Variants in LINGO2 observed in about 807,000 individuals in gnomAD.
LINGO2 encodes leucine rich repeat and Ig domain containing 2.
Under a neutral mutation model 30.6 loss-of-function variants are expected in LINGO2, and 14 were observed. That is an observed-to-expected ratio of 0.46 (90% CI 0.30 to 0.72). The LOEUF (loss-of-function observed/expected upper bound fraction) is 0.72. Among genes scored for constraint, LINGO2 ranks in the 30% least tolerant of loss-of-function variants. The pLI is 0.07. For missense variants in LINGO2, 729 were observed against 751.7 expected (o/e 0.97, Z 0.35); for synonymous variants, 317 against 288.5 (o/e 1.10, Z -1.00).
At chr9:29,031,799 T>C in the LINGO2 span, among the ~76,000 whole-genome samples, 5 of 152,274 alleles carry the variant, frequency 3.3e-5, no homozygotes, top group South Asian at 1.0e-3. Context: ...CACTGTGTCA[T>C]TGTTTATTTG....
intron 3 of LINGO2, among the ~76,000 whole-genome samples, chr9:28,370,154 G>C (rs527946907): frequency 6.6e-6 from 1 of 152,212 alleles, no homozygotes; most frequent in African/African-American, 2.4e-5. Context: ...TAAAAACTGA[G>C]TCTACTTATT....
At chr9:28,669,603 C>A (rs1399095619) in intron 1 of LINGO2, among the ~76,000 whole-genome samples, 1 of 151,932 alleles carries the variant, frequency 6.6e-6, no homozygotes, top group East Asian at 1.9e-4. Flanking sequence ...TAAGTGGTCA[C>A]TAGCAGAGAA....
intron 2 of LINGO2, among the ~76,000 whole-genome samples, chr9:28,449,224 T>C (rs1352585793): frequency 6.6e-6 from 1 of 152,100 alleles, no homozygotes; most frequent in Non-Finnish European, 1.5e-5. Flanking sequence ...CTGTCTCCAC[T>C]GTATTCCAAA....
chr9:28,332,558 G>T (rs1825460134), intron 3 of LINGO2, among the ~76,000 whole-genome samples: 1 of 150,726 alleles, frequency 6.6e-6, no homozygotes, highest in Non-Finnish European at 1.5e-5. Context: ...AGTTGGCCTT[G>T]TTGAAATGGG....
At chr9:28,785,566 C>A in the LINGO2 span, among the ~76,000 whole-genome samples, 1 of 152,188 alleles carries the variant, frequency 6.6e-6, no homozygotes, top group African/African-American at 2.4e-5. Flanking sequence ...GAGTTTACTG[C>A]GATATTTGCA....
chr9:27,990,434 CA>C (rs1210283049), intron 5 of LINGO2, among the ~76,000 whole-genome samples: 1 of 145,762 alleles, frequency 6.9e-6, no homozygotes, highest in African/African-American at 2.5e-5. Context: ...TCAGTATCTG[CA>C]AAAAGCATCA....
chr9:28,230,203 G>A (rs2133932898), intron 4 of LINGO2, among the ~76,000 whole-genome samples: 1 of 151,928 alleles, frequency 6.6e-6, no homozygotes, highest in South Asian at 2.1e-4. Flanking sequence ...AATACTATAT[G>A]TGTGTGCATG....
chr9:28,460,965 A>G (rs1825057256), intron 2 of LINGO2, among the ~76,000 whole-genome samples: 1 of 152,164 alleles, frequency 6.6e-6, no homozygotes, highest in Non-Finnish European at 1.5e-5. Flanking sequence ...AAACCCTACA[A>G]TCTCCGCAGT....
chr9:28,927,958 G>A, the LINGO2 span, among the ~76,000 whole-genome samples: 3,052 of 152,198 alleles, frequency 0.02, 121 homozygotes, highest in African/African-American at 0.069. Context: ...CATGCCCTGC[G>A]GTCATTTCAA....
chr9:28,674,267 G>A (rs1829136822), upstream of LINGO2, among the ~76,000 whole-genome samples: 1 of 151,334 alleles, frequency 6.6e-6, no homozygotes, highest in Non-Finnish European at 1.5e-5. Context: ...ATACAATAAT[G>A]TAATAATCTT....
intron 1 of LINGO2, among the ~76,000 whole-genome samples, chr9:28,586,959 C>G (rs1824574661): frequency 6.6e-6 from 1 of 152,052 alleles, no homozygotes; most frequent in Non-Finnish European, 1.5e-5. Context: ...AATGCAAGAC[C>G]TAGCTGAACA....
chr9:29,112,806 A>G, the LINGO2 span, among the ~76,000 whole-genome samples: 2 of 152,222 alleles, frequency 1.3e-5, no homozygotes, highest in Non-Finnish European at 2.9e-5. Flanking sequence ...AGTCTTTAAC[A>G]TTGAAAGCTG....
chr9:28,212,692 A>G (rs1054457527), intron 4 of LINGO2, among the ~76,000 whole-genome samples: 4 of 151,440 alleles, frequency 2.6e-5, no homozygotes, highest in African/African-American at 9.7e-5. Context: ...ACTTAAATTT[A>G]AGATAAATAA....
At chr9:28,224,630 C>G (rs1250610795) in intron 4 of LINGO2, among the ~76,000 whole-genome samples, 7 of 152,076 alleles carry the variant, frequency 4.6e-5, no homozygotes, top group African/African-American at 9.7e-5. Context: ...TATTTTTGTA[C>G]CCATTTTTCC....
At chr9:28,011,842 G>A (rs1361602227) in intron 5 of LINGO2, among the ~76,000 whole-genome samples, 1 of 152,148 alleles carries the variant, frequency 6.6e-6, no homozygotes, top group African/African-American at 2.4e-5. Context: ...GTGGTGGACA[G>A]TCAAGAAGAC....
chr9:28,135,119 T>C (rs1827481674), intron 4 of LINGO2, among the ~76,000 whole-genome samples: 2 of 152,156 alleles, frequency 1.3e-5, no homozygotes, highest in African/African-American at 4.8e-5. Flanking sequence ...GAAGGTGTTA[T>C]GTCATACCAA....
the LINGO2 span, among the ~76,000 whole-genome samples, chr9:29,043,651 G>A: frequency 6.6e-6 from 1 of 151,922 alleles, no homozygotes; most frequent in Non-Finnish European, 1.5e-5. Context: ...TTATGCAAGG[G>A]ATTGCCAGGT....
the LINGO2 span, among the ~76,000 whole-genome samples, chr9:29,158,017 T>C: frequency 2.0e-5 from 3 of 152,140 alleles, no homozygotes; most frequent in African/African-American, 7.2e-5. Context: ...TCTGGATTCA[T>C]CTGGATTAAT....
intron 2 of LINGO2, among the ~76,000 whole-genome samples, chr9:28,475,215 G>T (rs1329604467): frequency 6.6e-6 from 1 of 152,004 alleles, no homozygotes; most frequent in African/African-American, 2.4e-5. Context: ...TACCTATAAG[G>T]CCTCATATAA....
Sources: allele counts gnomAD v4.1 joint callset (sites outside exome capture counted in the v4.1 genomes callset), GRCh38; gene constraint gnomAD v4.1.1; transcripts MANE v1.5; gene names NCBI Gene and HGNC (gene_info 2026-07-23, HGNC 2026-07-21).